The following B3GALT1 variants were observed in gnomAD, a reference collection of about 807,000 sequenced individuals.
B3GALT1 encodes the protein UDP-Gal:betaGlcNAc beta 1,3-galactosyltransferase, polypeptide 1.
Under a neutral mutation model 23.2 loss-of-function variants are expected in B3GALT1, and 10 were observed. The observed-to-expected ratio is 0.43, with a 90% CI of 0.27 to 0.73. The LOEUF (loss-of-function observed/expected upper bound fraction) is 0.73. B3GALT1 is among the 30% of genes least tolerant of loss of function. The pLI is 0.21. For missense variants in B3GALT1, 299 were observed against 405.4 expected, an observed-to-expected ratio of 0.74 and a Z score of 2.25; for synonymous variants, 156 against 141.5, an observed-to-expected ratio of 1.10 and a Z score of -0.73.
intron 4 of B3GALT1, among the ~76,000 whole-genome samples, chr2:167,841,108 T>G (rs1236306911): frequency 6.6e-6 from 1 of 151,294 alleles, no homozygotes; most frequent in Non-Finnish European, 1.5e-5. Flanking sequence ...GGCACCAGCA[T>G]GGCACATGTA....
intron 2 of B3GALT1, among the ~76,000 whole-genome samples, chr2:167,499,538 A>G (rs978362201): frequency 5.3e-5 from 8 of 152,218 alleles, no homozygotes; most frequent in Admixed American, 4.6e-4. Flanking sequence ...TCTATATTTG[A>G]TGGCAAATCT....
chr2:167,505,685 T>C (rs1400663904), intron 2 of B3GALT1, among the ~76,000 whole-genome samples: 1 of 152,136 alleles, frequency 6.6e-6, no homozygotes, highest in East Asian at 1.9e-4. Flanking sequence ...CACAAAAATG[T>C]ATTTTAGATC....
intron 1 of B3GALT1, among the ~76,000 whole-genome samples, chr2:167,463,717 A>T (rs1235514913): frequency 2.0e-5 from 3 of 152,210 alleles, no homozygotes; most frequent in Non-Finnish European, 2.9e-5. Flanking sequence ...GTACTCCAGG[A>T]GTAGCCAAGT....
chr2:167,740,230 G>A (rs1687558702), intron 3 of B3GALT1, among the ~76,000 whole-genome samples: 1 of 152,094 alleles, frequency 6.6e-6, no homozygotes, highest in Non-Finnish European at 1.5e-5. Flanking sequence ...TAGGTTCTCT[G>A]AGGGGTCTAC....
Position 167,642,754 on chromosome 2 carries a change from T to C in B3GALT1, c.-409-4155T>C, listed in dbSNP as rs960693374. Among the ~76,000 whole-genome samples, 2 of 152,140 alleles carry C rather than the reference T, an allele frequency of 1.3e-5. 1 individual carries two copies. The highest frequency in any genetic ancestry group is 4.1e-4 in the South Asian group (2 of 4,834). ...CTTGTTGAGTTGTTGTGGTGGTTGT[T>C]GTTGATATCTGTCTCCCTCTTCAGG... On this transcript the variant is annotated intron_variant, in intron 2 of 4. Transcript: ENST00000392690.
intron 2 of B3GALT1, among the ~76,000 whole-genome samples, chr2:167,545,817 C>A (rs766349764): frequency 6.6e-6 from 1 of 152,130 alleles, no homozygotes; most frequent in African/African-American, 2.4e-5. Context: ...GGTTGAGTAA[C>A]CCTTATCCAA....
chr2:167,486,957 A>G (rs924528088), intron 1 of B3GALT1, among the ~76,000 whole-genome samples: 7 of 152,208 alleles, frequency 4.6e-5, no homozygotes, highest in African/African-American at 1.7e-4. Context: ...AAAATAAAAC[A>G]TGAGATTTAA....
intron 3 of B3GALT1, among the ~76,000 whole-genome samples, chr2:167,678,337 A>G (rs1686465189): frequency 6.6e-6 from 1 of 152,214 alleles, no homozygotes; most frequent in African/African-American, 2.4e-5. Context: ...AAGTACTGAT[A>G]GTGTCCCCAT....
chr2:167,586,519 T>C (rs13404624), intron 2 of B3GALT1, among the ~76,000 whole-genome samples: 109 of 152,276 alleles, frequency 7.2e-4, no homozygotes, highest in African/African-American at 2.4e-3. Context: ...CAGGATGGTC[T>C]CGATCTCCTG....
chr2:167,773,255 G>A (rs1036608896), intron 3 of B3GALT1, among the ~76,000 whole-genome samples: 4 of 152,134 alleles, frequency 2.6e-5, no homozygotes, highest in Admixed American at 6.6e-5. Context: ...TGTTGTATTT[G>A]AATATAAAAA....
At chr2:167,357,970 T>C (rs1697441021) in intron 1 of B3GALT1, among the ~76,000 whole-genome samples, 1 of 152,228 alleles carries the variant, frequency 6.6e-6, no homozygotes, top group African/African-American at 2.4e-5. Context: ...TCTGTTTCAT[T>C]TTATTTGAAT....
intron 3 of B3GALT1, among the ~76,000 whole-genome samples, chr2:167,773,992 A>G (rs1484288035): frequency 2.0e-5 from 3 of 152,254 alleles, no homozygotes; most frequent in Admixed American, 1.3e-4. Context: ...TTAGAGAGCC[A>G]TGCTTCAGAT....
intron 2 of B3GALT1, among the ~76,000 whole-genome samples, chr2:167,584,108 CT>C (rs1333877786): frequency 1.3e-5 from 2 of 152,182 alleles, no homozygotes; most frequent in South Asian, 2.1e-4. Flanking sequence ...GTGGACCTGG[CT>C]TTTTTTCCCA....
intron 2 of B3GALT1, among the ~76,000 whole-genome samples, chr2:167,645,788 C>G (rs1685738626): frequency 6.6e-6 from 1 of 151,918 alleles, no homozygotes; most frequent in Non-Finnish European, 1.5e-5. Flanking sequence ...TCAGGCTGGT[C>G]TCGAACTCCT....
intron 4 of B3GALT1, among the ~76,000 whole-genome samples, chr2:167,821,462 G>GTT (rs1173202451): frequency 7.6e-6 from 1 of 132,260 alleles, no homozygotes; most frequent in African/African-American, 2.9e-5. Flanking sequence ...TTGAGACGGA[G>GTT]TTTCACTCGT....
intron 3 of B3GALT1, among the ~76,000 whole-genome samples, chr2:167,791,048 A>G (rs1688430552): frequency 6.6e-6 from 1 of 152,176 alleles, no homozygotes; most frequent in Admixed American, 6.5e-5. Flanking sequence ...AGATGAATAC[A>G]AATTATTATT....
At position 167,456,399 on chromosome 2, in the gene B3GALT1, T is replaced by C. The variant is rs376869725; in HGVS notation, c.-510-33778T>C. Among the ~76,000 whole-genome samples, 15 of 152,268 alleles carry C rather than the reference T, an allele frequency of 9.9e-5. No individual in the cohort carries two copies. The East Asian group carries it at 1.5e-3, about 16-fold the overall frequency. On this transcript the variant is annotated intron_variant, in intron 1 of 4. Coordinates refer to ENST00000392690, the MANE Select transcript of B3GALT1 (RefSeq NM_020981.4). ...CCCACCTACAACATTGGGGATCACA[T>C]TTAAACATGAAATGTGGAGAAGACA... is the stretch of plus-strand genomic sequence containing the variant.
Position 167,857,468 on chromosome 2 carries a change from A to G in B3GALT1, c.-229-11343A>G, listed in dbSNP as rs552871859. Among the ~76,000 whole-genome samples the G allele has an allele frequency of 7.2e-5, 11 of 152,214 alleles. No individual in the cohort carries two copies. In the East Asian group the frequency reaches 2.1e-3, roughly 29 times the overall value. ...AGTCTCTAGCCATAGAGGAAGTAAG[A>G]ATCATGAACCAAAAGGAAATTGTAA... is the stretch of plus-strand genomic sequence containing the variant. On this transcript the variant is annotated intron_variant, in intron 4 of 4. Transcript: ENST00000392690.
intron 1 of B3GALT1, among the ~76,000 whole-genome samples, chr2:167,446,768 C>G (rs533905419): frequency 6.8e-4 from 103 of 152,248 alleles, no homozygotes; most frequent in African/African-American, 2.4e-3. Flanking sequence ...TTTGTCTAAT[C>G]TCTTCTCACA....
Sources: allele counts gnomAD v4.1 joint callset (sites outside exome capture counted in the v4.1 genomes callset), GRCh38; gene constraint gnomAD v4.1.1; transcripts MANE v1.5; gene names NCBI Gene and HGNC (gene_info 2026-07-23, HGNC 2026-07-21).